SNRPE: variants seen among roughly 807,000 people sequenced by gnomAD.
SNRPE encodes the protein small nuclear ribonucleoprotein E.
For missense variants in SNRPE, 53 were observed against 111.6 expected, an observed-to-expected ratio of 0.48 and a Z score of 2.36; for synonymous variants, 35 against 36.7, an observed-to-expected ratio of 0.95 and a Z score of 0.17.
intron 3 of SNRPE, among the ~76,000 whole-genome samples, chr1:203,863,937 TGTC>T (rs1239592287): frequency 2.5e-5 from 3 of 117,918 alleles, no homozygotes; most frequent in Non-Finnish European, 5.8e-5. Context: ...TTCTTTCCTC[TGTC>T]TATGTTGAGA....
Position 203,861,631 on chromosome 1 carries a change from T to TGCGG in SNRPE, c.-27_-24dup. 1 of 1,596,650 alleles carries TGCGG rather than the reference T, an allele frequency of 6.3e-7. No homozygotes were observed. The highest frequency in any genetic ancestry group is 2.2e-5 in the East Asian group (1 of 44,810). The stretch of plus-strand genomic sequence containing the variant: ...CCGGAAGTTGCTCTCAGAGGCAGCG[T>TGCGG]GCGGGTGTGCTCTTTGTGAAATTCC... On this transcript the variant is annotated 5_prime_UTR_variant, in exon 1 of 5. Transcript: ENST00000414487.
chr1:203,865,752 C>A (rs1301975934), intron 4 of SNRPE, among the ~76,000 whole-genome samples: 1 of 152,160 alleles, frequency 6.6e-6, no homozygotes. Flanking sequence ...TACTGACTGG[C>A]TATAAACTGG....
intron 4 of SNRPE, among the ~76,000 whole-genome samples, chr1:203,865,683 C>T (rs1377139566): frequency 6.6e-6 from 1 of 152,160 alleles, no homozygotes; most frequent in East Asian, 1.9e-4. Context: ...GCCTTCCATG[C>T]CCCTCAGTCC....
At chr1:203,861,795 A>T (rs1027764001) in intron 1 of SNRPE, 82 bp downstream of exon 1, 3 of 1,034,792 alleles carry the variant, frequency 2.9e-6, no homozygotes, top group African/African-American at 3.1e-5. Flanking sequence ...CAGGCCTGGG[A>T]TAGTGGAGTA....
intron 4 of SNRPE, among the ~76,000 whole-genome samples, chr1:203,868,656 G>C (rs575042776): frequency 6.6e-6 from 1 of 152,028 alleles, no homozygotes; most frequent in Non-Finnish European, 1.5e-5. Context: ...GGGTTTTTTA[G>C]ATTTATTGTT....
Position 203,870,722 on chromosome 1 carries a change from C to G in SNRPE, c.*790C>G, listed in dbSNP as rs1411507294. Among the ~76,000 whole-genome samples the G allele has an allele frequency of 6.6e-6, 1 of 152,204 alleles. No homozygotes were observed. The highest frequency in any genetic ancestry group is 1.5e-5 in the Non-Finnish European group (1 of 68,038). On this transcript the variant is annotated 3_prime_UTR_variant, in exon 5 of 5. Transcript: ENST00000414487. ...TTCTTATATGGACAGGTTTCCCTTC[C>G]CCCAGTATCGCACATGGTTCTAGTT... is the stretch of plus-strand genomic sequence containing the variant.
intron 3 of SNRPE, 50 bp downstream of exon 3, chr1:203,863,775 A>C (rs1367039444): frequency 7.9e-7 from 1 of 1,265,220 alleles, no homozygotes; most frequent in Admixed American, 1.7e-5. Context: ...GTAGAAAAAG[A>C]CTTAACAGAA....
At chr1:203,868,451 G>C (rs1690140434) in intron 4 of SNRPE, among the ~76,000 whole-genome samples, 1 of 152,170 alleles carries the variant, frequency 6.6e-6, no homozygotes, top group Non-Finnish European at 1.5e-5. Flanking sequence ...CCATTCACTT[G>C]AGGTTTATTT....
rs1442351220 is a variant in SNRPE, at chr1:203,870,634, C to T, written c.*702C>T. 6.6e-6 allele frequency: 1 copy of T among 152,188 alleles called. No individual in the cohort carries two copies. The highest frequency in any genetic ancestry group is 1.5e-5 in the Non-Finnish European group (1 of 68,046). 9.4% of individuals were successfully genotyped at this position (152,188 alleles called of 1,614,324 possible). A position where few individuals can be genotyped will look rare whatever the true frequency, so the allele number is the denominator to read the frequency against. On this transcript the variant is annotated 3_prime_UTR_variant, in exon 5 of 5. Coordinates refer to ENST00000414487, the MANE Select transcript of SNRPE (RefSeq NM_003094.4). ...AGAATAATGGTATGTTGGAGAAATA[C>T]ACCTGTCTCTTATTCTTATCTCTTA...
Position 203,862,214 on chromosome 1 carries a change from T to C in SNRPE, c.73T>C (p.Leu25=). ...VQPINLIFRY[L]QNRSRIQVWL... is the part of the protein sequence containing the mutation. ...GGTGCAGAACCTCATCTTCAGATAC[T>C]TACAAAATGTACGTAAGTTGCTTGT... The change falls in exon 2 of 5, where the codon TTA becomes CTA. Residue 25 remains leucine (L), a synonymous_variant. Transcript: ENST00000414487. The C allele has an allele frequency of 6.2e-7, 1 of 1,608,436 alleles. No individual in the cohort carries two copies. Among genetic ancestry groups the C allele is most frequent in the Non-Finnish European group, 8.5e-7 (1 of 1,174,768 alleles).
At chr1:203,866,936 G>T (rs1440767241) in intron 4 of SNRPE, among the ~76,000 whole-genome samples, 1 of 134,796 alleles carries the variant, frequency 7.4e-6, no homozygotes, top group East Asian at 2.2e-4. Flanking sequence ...GATATTCCTT[G>T]TGTCTGTAGA....
Position 203,870,043 on chromosome 1 carries a change from C to T in SNRPE, c.*111C>T, listed in dbSNP as rs1253055911. On this transcript the variant is annotated 3_prime_UTR_variant, in exon 5 of 5. Transcript: ENST00000414487. ...TGTTTTGATTACCCTCGTGTTACTA[C>T]AAGATGGCAATAAATACTATGGGAT... 4 of 625,138 alleles carry T rather than the reference C, an allele frequency of 6.4e-6. No homozygotes were observed. The highest frequency in any genetic ancestry group is 1.1e-5 in the Non-Finnish European group (4 of 371,210). 38.7% of individuals were successfully genotyped at this position (625,138 alleles called of 1,614,324 possible).
chr1:203,861,916 G>A, intron 1 of SNRPE: 2 of 621,318 alleles, frequency 3.2e-6, no homozygotes, highest in Non-Finnish European at 2.9e-6. Flanking sequence ...CGTGGGGAAT[G>A]CAGGAATGGA....
In SNRPE at chr1:203,861,620, C is replaced by T. The variant is rs771643812; in HGVS notation, c.-40C>T. The stretch of plus-strand genomic sequence containing the variant: ...GGTTCTTTATTCCGGAAGTTGCTCT[C>T]AGAGGCAGCGTGCGGGTGTGCTCTT... On this transcript the variant is annotated 5_prime_UTR_variant, in exon 1 of 5. Coordinates refer to ENST00000414487, the MANE Select transcript of SNRPE (RefSeq NM_003094.4). The T allele has an allele frequency of 4.5e-6, 7 of 1,565,588 alleles. No homozygotes were observed. Among genetic ancestry groups the T allele is most frequent in the South Asian group, 4.4e-5 (4 of 90,028 alleles).
chr1:203,862,430 T>C (rs1689996418), intron 2 of SNRPE, among the ~76,000 whole-genome samples: 1 of 152,182 alleles, frequency 6.6e-6, no homozygotes, highest in Non-Finnish European at 1.5e-5. Context: ...ATGCAAAGAA[T>C]TGTATCCATT....
rs1322187915 is a variant in SNRPE at position 203,871,015 on chromosome 1, T to C, written c.*1083T>C. The stretch of plus-strand genomic sequence containing the variant: ...ATGAAACTGAATAAAAGAAATCCTT[T>C]CCGAGATAGAGGAGATTTGTAGGTG... On this transcript the variant is annotated 3_prime_UTR_variant, in exon 5 of 5. Coordinates refer to ENST00000414487, the MANE Select transcript of SNRPE (RefSeq NM_003094.4). Among the ~76,000 whole-genome samples, 2 of 152,226 alleles carry C rather than the reference T, an allele frequency of 1.3e-5. No individual in the cohort carries two copies. The highest frequency in any genetic ancestry group is 4.8e-5 in the African/African-American group (2 of 41,458).
At chr1:203,868,282 C>T (rs1690135116) in intron 4 of SNRPE, among the ~76,000 whole-genome samples, 1 of 152,040 alleles carries the variant, frequency 6.6e-6, no homozygotes, top group African/African-American at 2.4e-5. Context: ...TCTCTAACTT[C>T]TGAGCTCAGG....
Position 203,864,891 on chromosome 1 carries a change from A to AAAT in SNRPE, c.145-148_145-147insTAA, listed in dbSNP as rs1690056596. ...GATCCTTTCTCAAAAAAAAAAAAAA[A>AAAT]AAAAAAAAAACTTTGGGTGGAAGGT... On this transcript the variant is annotated intron_variant, in intron 3 of 4. Coordinates refer to ENST00000414487, the MANE Select transcript of SNRPE (RefSeq NM_003094.4). 1.7e-5 allele frequency: 11 copies of AAAT among 631,460 alleles called. No individual in the cohort carries two copies. The African/African-American group carries it at 1.9e-4, about 11-fold the overall frequency. The allele number at this position is 631,460 out of a possible 1,614,324, so 39.1% of individuals were successfully genotyped here. A position where few individuals can be genotyped will look rare whatever the true frequency, so the allele number is the denominator to read the frequency against.
chr1:203,870,761 A>G lies in SNRPE; in HGVS notation c.*829A>G, dbSNP rs11240611. On this transcript the variant is annotated 3_prime_UTR_variant, in exon 5 of 5. Coordinates refer to ENST00000414487, the MANE Select transcript of SNRPE (RefSeq NM_003094.4). ...ATGGTTCTAGTTAGAATCCTGTTAG[A>G]TAGTGAGCATCTGCTGTTAGCTAGA... 0.092 allele frequency among the ~76,000 whole-genome samples: 13,952 copies of G among 152,246 alleles called. 883 individuals are homozygous for G. The highest frequency in any genetic ancestry group is 0.13 in the Non-Finnish European group (8,662 of 68,010).
Sources: allele counts gnomAD v4.1 joint callset (sites outside exome capture counted in the v4.1 genomes callset), GRCh38; gene constraint gnomAD v4.1.1; transcripts MANE v1.5; gene names NCBI Gene and HGNC (gene_info 2026-07-23, HGNC 2026-07-21).